Variants in SLC8A1 observed in about 807,000 individuals in gnomAD.
The protein encoded by SLC8A1 is solute carrier family 8 member A1.
SLC8A1 carries 18 observed loss-of-function variants against 68.3 expected under a neutral mutation model. That is an observed-to-expected ratio of 0.26 (90% CI 0.18 to 0.39). The LOEUF is 0.39. Among genes scored for constraint, SLC8A1 ranks in the 10% least tolerant of loss-of-function variants. The pLI, the probability that SLC8A1 is intolerant of heterozygous loss-of-function variation, is 1.00. For missense variants in SLC8A1, 985 were observed against 1,156.7 expected (o/e 0.85, Z 2.15); for synonymous variants, 475 against 415.5 (o/e 1.14, Z -1.74).
chr2:40,335,883 A>G (rs1449562561), intron 2 of SLC8A1, among the ~76,000 whole-genome samples: 2 of 152,236 alleles, frequency 1.3e-5, no homozygotes, highest in Admixed American at 6.5e-5. Context: ...AAATTCAAGA[A>G]AGAGATAAGT....
upstream of SLC8A1, among the ~76,000 whole-genome samples, chr2:40,454,608 T>A (rs944674253): frequency 6.6e-6 from 1 of 152,058 alleles, no homozygotes; most frequent in Non-Finnish European, 1.5e-5. Context: ...AAAACAATAT[T>A]AAATGGTCTT....
At chr2:40,247,903 A>T (rs959469201) in intron 2 of SLC8A1, among the ~76,000 whole-genome samples, 7 of 152,186 alleles carry the variant, frequency 4.6e-5, no homozygotes, top group African/African-American at 1.7e-4. Context: ...CCTGAAATAG[A>T]CTTGGAGGCA....
At chr2:40,468,337 T>C (rs1281978308) in intron 1 of SLC8A1, among the ~76,000 whole-genome samples, 1 of 152,172 alleles carries the variant, frequency 6.6e-6, no homozygotes, top group African/African-American at 2.4e-5. Flanking sequence ...TTACTATTAT[T>C]GGCCTTGACA....
chr2:40,389,714 T>C (rs1303614023), intron 2 of SLC8A1, among the ~76,000 whole-genome samples: 1 of 151,844 alleles, frequency 6.6e-6, no homozygotes, highest in Non-Finnish European at 1.5e-5. Context: ...GTGGGTCTCA[T>C]ACCTAGGTGT....
At chr2:40,176,404 T>C (rs1367800922) in intron 3 of SLC8A1, among the ~76,000 whole-genome samples, 2 of 152,182 alleles carry the variant, frequency 1.3e-5, no homozygotes, top group East Asian at 3.8e-4. Flanking sequence ...GAGGAATACA[T>C]TGAGAAGAAA....
chr2:40,114,674 A>C (rs901228751), exon 8 of SLC8A1: 51 of 152,594 alleles, frequency 3.3e-4, no homozygotes, highest in African/African-American at 1.2e-3. Context: ...ACCTCCACTC[A>C]CATTCCGGAG....
intron 2 of SLC8A1, among the ~76,000 whole-genome samples, chr2:40,367,108 C>A (rs1442936266): frequency 6.6e-6 from 1 of 151,912 alleles, no homozygotes; most frequent in African/African-American, 2.4e-5. Context: ...GTCATAAGAT[C>A]TTCCTAGAGA....
chr2:40,451,667 A>G (rs1384935066), intron 1 of SLC8A1, among the ~76,000 whole-genome samples: 1 of 151,492 alleles, frequency 6.6e-6, no homozygotes, highest in Non-Finnish European at 1.5e-5. Context: ...GCCCAGACGC[A>G]CCAGCCCGAG....
At chr2:40,141,210 A>G (rs1168312030) in intron 6 of SLC8A1, among the ~76,000 whole-genome samples, 1 of 152,216 alleles carries the variant, frequency 6.6e-6, no homozygotes, top group Non-Finnish European at 1.5e-5. Flanking sequence ...CATGGAGCAC[A>G]CATGTATGGT....
upstream of SLC8A1, among the ~76,000 whole-genome samples, chr2:40,454,346 C>T (rs577325142): frequency 4.6e-5 from 7 of 151,550 alleles, no homozygotes; most frequent in Non-Finnish European, 7.4e-5. Context: ...AGTGTAGCCT[C>T]TTATTGCTAT....
At chr2:40,304,332 G>T (rs762307940) in intron 2 of SLC8A1, among the ~76,000 whole-genome samples, 1 of 152,140 alleles carries the variant, frequency 6.6e-6, no homozygotes. Context: ...TCAATATCCA[G>T]ATTCCAGACA....
chr2:40,353,379 T>G (rs1427751902), intron 2 of SLC8A1, among the ~76,000 whole-genome samples: 1 of 152,130 alleles, frequency 6.6e-6, no homozygotes, highest in Non-Finnish European at 1.5e-5. Context: ...CCTCAAAAAC[T>G]TGGCCTCATC....
intron 2 of SLC8A1, among the ~76,000 whole-genome samples, chr2:40,392,250 A>T (rs984577053): frequency 8.1e-6 from 1 of 123,418 alleles, no homozygotes; most frequent in African/African-American, 3.1e-5. Flanking sequence ...GAAAGGAAGC[A>T]AGCAAGCAAG....
chr2:40,483,748 CTT>C (rs1203138415), intron 1 of SLC8A1, among the ~76,000 whole-genome samples: 9 of 152,168 alleles, frequency 5.9e-5, no homozygotes, highest in African/African-American at 2.2e-4. Flanking sequence ...TCTCTTCCCT[CTT>C]TGTCTTTTCT....
intron 2 of SLC8A1, among the ~76,000 whole-genome samples, chr2:40,267,256 G>C (rs1204630982): frequency 6.6e-6 from 1 of 152,096 alleles, no homozygotes; most frequent in East Asian, 1.9e-4. Flanking sequence ...TTTGTCTCTG[G>C]GTAACTTCAG....
At chr2:40,108,549 T>C (rs926233181) in exon 8 of SLC8A1, 2 of 152,236 alleles carry the variant, frequency 1.3e-5, no homozygotes, top group African/African-American at 2.4e-5. Context: ...ATTATTTGAA[T>C]GTACAATCTT....
intron 2 of SLC8A1, among the ~76,000 whole-genome samples, chr2:40,306,622 G>T (rs2072663954): frequency 6.6e-6 from 1 of 152,182 alleles, no homozygotes; most frequent in Non-Finnish European, 1.5e-5. Flanking sequence ...AAAGGAAAGT[G>T]TGACACTTGG....
intron 2 of SLC8A1, among the ~76,000 whole-genome samples, chr2:40,306,779 G>A (rs1486380362): frequency 6.6e-6 from 1 of 152,152 alleles, no homozygotes; most frequent in Non-Finnish European, 1.5e-5. Context: ...TCCACGGCTG[G>A]TTGGCCAGGT....
At chr2:40,398,273 C>G (rs991004651) in intron 2 of SLC8A1, among the ~76,000 whole-genome samples, 8 of 152,102 alleles carry the variant, frequency 5.3e-5, no homozygotes, top group Admixed American at 4.6e-4. Context: ...GTTTGGCTGG[C>G]TTTTTAGAGG....
Sources: gnomAD v4.1 joint callset for allele counts (sites outside exome capture counted in the v4.1 genomes callset) on GRCh38, gnomAD v4.1.1 for gene constraint, MANE v1.5 for transcripts, NCBI Gene and HGNC (gene_info 2026-07-23, HGNC 2026-07-21) for gene names.